The following VPS53 variants were observed in gnomAD, a reference collection of about 807,000 sequenced individuals.
The protein encoded by VPS53 is vacuolar protein sorting-associated protein 53 homolog.
A neutral mutation model predicts 107.0 loss-of-function variants in VPS53; 70 were observed. That is an observed-to-expected ratio of 0.65 (90% CI 0.54 to 0.80). VPS53 has a LOEUF of 0.80. Ranked by LOEUF, VPS53 falls within the 30% of genes least tolerant of loss-of-function variation. VPS53 has a pLI of 0.00. For missense variants in VPS53, 917 were observed against 1,049.4 expected, an observed-to-expected ratio of 0.87 and a Z score of 1.74; for synonymous variants, 409 against 393.3, an observed-to-expected ratio of 1.04 and a Z score of -0.47.
At chr17:603,244 T>G (rs1414939709) in intron 11 of VPS53, among the ~76,000 whole-genome samples, 1 of 151,972 alleles carries the variant, frequency 6.6e-6, no homozygotes, top group Non-Finnish European at 1.5e-5. Flanking sequence ...AACAACATGG[T>G]GAAAGCCTGT....
At chr17:630,484 C>T (rs1969911934) in intron 8 of VPS53, among the ~76,000 whole-genome samples, 1 of 152,088 alleles carries the variant, frequency 6.6e-6, no homozygotes, top group South Asian at 2.1e-4. Context: ...CTACTCCCTC[C>T]CTGCAGTTAT....
rs1969560846 is a variant in VPS53, at chr17:623,551, G to A, written c.1098C>T (p.Thr366=). 2 of 1,613,088 alleles carry A rather than the reference G, an allele frequency of 1.2e-6. No homozygotes were observed. ...GFLAKRFSGC[T]LTDGTLKKLE... is the part of the protein sequence containing the mutation. ...GTCTTACCAGGGTCCCATCGGTCAGGGTGCAGCCGGAGAAGCGTTTTGCAA... is the reference window on the plus strand; with the variant it reads ...GTCTTACCAGGGTCCCATCGGTCAGAGTGCAGCCGGAGAAGCGTTTTGCAA... Residue 366 remains threonine, a synonymous_variant, in exon 11 of 22, where the codon ACC becomes ACT. Transcript: ENST00000437048.
intron 15 of VPS53, among the ~76,000 whole-genome samples, chr17:558,821 T>TA (rs35915328): frequency 0.37 from 49,351 of 134,896 alleles, 10,347 homozygotes; most frequent in African/African-American, 0.6. Flanking sequence ...CCATCTCTAC[T>TA]AAAAAAAAAA....
intron 13 of VPS53, among the ~76,000 whole-genome samples, chr17:576,659 C>T (rs989581984): frequency 6.6e-6 from 1 of 151,504 alleles, no homozygotes; most frequent in Non-Finnish European, 1.5e-5. Flanking sequence ...CTAATGCGTT[C>T]CCAGAAAAAT....
intron 18 of VPS53, among the ~76,000 whole-genome samples, chr17:534,705 C>A (rs1172712000): frequency 6.6e-6 from 1 of 152,110 alleles, no homozygotes; most frequent in Admixed American, 6.6e-5. Flanking sequence ...ACTGCTTGAG[C>A]CCAGGAGTTT....
chr17:620,678 A>ATTT (rs67264596), intron 11 of VPS53, among the ~76,000 whole-genome samples: 27 of 140,192 alleles, frequency 1.9e-4, no homozygotes, highest in Non-Finnish European at 3.1e-4. Context: ...TCTACATTCT[A>ATTT]TTTTTTTTTT....
intron 2 of VPS53, 92 bp downstream of exon 2, chr17:710,441 G>T: frequency 1.1e-6 from 1 of 940,042 alleles, no homozygotes; most frequent in Non-Finnish European, 1.7e-6. Flanking sequence ...GTGTATCAAG[G>T]GCCCGTAGAT....
At chr17:647,538 A>T (rs1970759194) in intron 7 of VPS53, among the ~76,000 whole-genome samples, 2 of 152,176 alleles carry the variant, frequency 1.3e-5, no homozygotes, top group South Asian at 4.1e-4. Flanking sequence ...CTCCTCCCCC[A>T]TCCGCTGACA....
chr17:543,059 A>C (rs1597270685), intron 17 of VPS53, among the ~76,000 whole-genome samples: 1 of 152,294 alleles, frequency 6.6e-6, no homozygotes, highest in Non-Finnish European at 1.5e-5. Flanking sequence ...TTTTATGAAA[A>C]AGAAAGCTGT....
chr17:699,513 TAA>T (rs542350655), intron 2 of VPS53, 133 bp from the exon 3 acceptor site: 750 of 452,008 alleles, frequency 1.7e-3, no homozygotes, highest in South Asian at 2.5e-3. Context: ...AGTTTTGCTT[TAA>T]AAAAAAAAAA....
At chr17:611,536 A>G (rs1968874148) in intron 11 of VPS53, among the ~76,000 whole-genome samples, 1 of 152,236 alleles carries the variant, frequency 6.6e-6, no homozygotes, top group South Asian at 2.1e-4. Flanking sequence ...CAGTTCCTCA[A>G]AAAGTTAAGC....
chr17:521,105 G>A (rs964482394), intron 20 of VPS53, among the ~76,000 whole-genome samples: 2 of 152,236 alleles, frequency 1.3e-5, no homozygotes, highest in Admixed American at 6.5e-5. Flanking sequence ...AGGCAGATGC[G>A]CAGGGCTTCA....
At position 514,684 on chromosome 17, in the gene VPS53, G is replaced by A. The variant is rs1908177190; in HGVS notation, c.*4444C>T. 1 of 152,738 alleles carries A rather than the reference G, an allele frequency of 6.5e-6. No individual in the cohort carries two copies. Among genetic ancestry groups the A allele is most frequent in the Admixed American group, 6.5e-5 (1 of 15,292 alleles). The allele number at this position is 152,738 out of a possible 1,614,324, so 9.5% of individuals were successfully genotyped here. ...CTCATCCGATGGCAATTCAGGAAGG[G>A]TTGGTGTCATACCCTGCATCGAGCA... is the stretch of plus-strand genomic sequence containing the variant. On this transcript the variant is annotated 3_prime_UTR_variant, in exon 22 of 22. Transcript: ENST00000437048.
chr17:608,085 C>T (rs889157304), intron 11 of VPS53, among the ~76,000 whole-genome samples: 1 of 152,182 alleles, frequency 6.6e-6, no homozygotes, highest in Admixed American at 6.5e-5. Context: ...TTTACTCCAG[C>T]CCAATTCCTA....
chr17:689,268 G>T (rs919166812), intron 4 of VPS53, among the ~76,000 whole-genome samples: 1 of 152,064 alleles, frequency 6.6e-6, no homozygotes, highest in Admixed American at 6.6e-5. Flanking sequence ...ACATAATGAA[G>T]ATCAATGCCA....
At chr17:574,764 A>AAAAT (rs1337218808) in intron 13 of VPS53, among the ~76,000 whole-genome samples, 1 of 152,196 alleles carries the variant, frequency 6.6e-6, no homozygotes, top group Non-Finnish European at 1.5e-5. Context: ...CCCCGTCTCA[A>AAAAT]AAATAAATAA....
At chr17:678,630 C>A (rs954598642) in intron 4 of VPS53, among the ~76,000 whole-genome samples, 3 of 148,842 alleles carry the variant, frequency 2.0e-5, no homozygotes, top group Admixed American at 6.7e-5. Flanking sequence ...CCACTCCTGG[C>A]TAAATATATA....
At chr17:596,779 A>T (rs1461465618) in intron 12 of VPS53, among the ~76,000 whole-genome samples, 2 of 152,202 alleles carry the variant, frequency 1.3e-5, no homozygotes, top group African/African-American at 2.4e-5. Context: ...GTTGATTCTC[A>T]GCTTAAACAC....
At chr17:700,370 C>T (rs1401571895) in intron 2 of VPS53, among the ~76,000 whole-genome samples, 1 of 151,810 alleles carries the variant, frequency 6.6e-6, no homozygotes, top group Non-Finnish European at 1.5e-5. Flanking sequence ...TGGCGAAACC[C>T]CATCTCTACT....
Sources: gnomAD v4.1 joint callset for allele counts (sites outside exome capture counted in the v4.1 genomes callset) on GRCh38, gnomAD v4.1.1 for gene constraint, MANE v1.5 for transcripts, NCBI Gene and HGNC (gene_info 2026-07-23, HGNC 2026-07-21) for gene names.